The following PKD2 variants were observed in gnomAD, a reference collection of about 807,000 sequenced individuals.
The protein encoded by PKD2 is polycystin 2, transient receptor potential cation channel.
Under a neutral mutation model 105.9 loss-of-function variants are expected in PKD2, and 48 were observed. The ratio of observed to expected loss-of-function variants is 0.45; its 90% CI spans 0.36 to 0.58. The LOEUF is 0.58. Ranked by LOEUF, PKD2 falls within the 20% of genes least tolerant of loss-of-function variation. PKD2 has a pLI of 0.00. For synonymous variants in PKD2, 464 were observed against 481.1 expected (o/e 0.96, Z 0.46); for missense variants, 1,078 against 1,255.3 (o/e 0.86, Z 2.13).
At chr4:88,036,127 T>C in intron 2 of PKD2, 93 bp from the exon 3 acceptor site, 5 of 1,608,052 alleles carry the variant, frequency 3.1e-6, no homozygotes, top group Non-Finnish European at 4.3e-6. Context: ...CCAAAATGTT[T>C]ATCCACAGGA....
chr4:88,013,833 A>G (rs1323888858), intron 1 of PKD2, among the ~76,000 whole-genome samples: 1 of 152,118 alleles, frequency 6.6e-6, no homozygotes, highest in African/African-American at 2.4e-5. Flanking sequence ...AAATAATAGG[A>G]ACAAGACCTG....
chr4:88,032,582 G>A (rs956600420), intron 2 of PKD2, among the ~76,000 whole-genome samples: 4 of 152,160 alleles, frequency 2.6e-5, no homozygotes, highest in African/African-American at 9.7e-5. Flanking sequence ...AGATGTATGT[G>A]TCCTTTATAT....
In PKD2 at chr4:88,043,228, A is replaced by C; in HGVS notation, c.1095-5A>C. On this transcript the variant is annotated splice_polypyrimidine_tract_variant and splice_region_variant and intron_variant, in intron 4 of 14. Transcript: ENST00000237596. ...TGTTTGTTTTTTGGTTTTGTTTTTA[A>C]TCAGTTGGATCTACACAAGTGAAAA... 6.3e-7 allele frequency: 1 copy of C among 1,585,514 alleles called. No homozygotes were observed. The highest frequency in any genetic ancestry group is 8.7e-7 in the Non-Finnish European group (1 of 1,154,522).
At chr4:88,036,862 C>G (rs915577757) in intron 3 of PKD2, among the ~76,000 whole-genome samples, 1 of 152,172 alleles carries the variant, frequency 6.6e-6, no homozygotes, top group African/African-American at 2.4e-5. Flanking sequence ...TGTGTTTTGT[C>G]TCTTTGTTGA....
At chr4:88,036,402 C>A (rs1464663901) in intron 3 of PKD2, 49 bp downstream of exon 3, 4 of 1,609,044 alleles carry the variant, frequency 2.5e-6, no homozygotes, top group South Asian at 2.2e-5. Flanking sequence ...GAAAATTGTT[C>A]ATTTGGCTTC....
intron 2 of PKD2, among the ~76,000 whole-genome samples, chr4:88,034,723 A>G (rs1438447827): frequency 1.3e-5 from 2 of 151,240 alleles, no homozygotes; most frequent in Non-Finnish European, 2.9e-5. Flanking sequence ...TGAAGGAGAG[A>G]TTTACTAAAT....
chr4:88,019,684 T>G, intron 2 of PKD2, 113 bp downstream of exon 2: 1 of 705,962 alleles, frequency 1.4e-6, no homozygotes, highest in Non-Finnish European at 2.6e-6. Context: ...GGAAGTTACC[T>G]TCTTACCTTT....
chr4:88,039,545 G>A (rs1727476573), intron 4 of PKD2, among the ~76,000 whole-genome samples: 1 of 151,624 alleles, frequency 6.6e-6, no homozygotes. Context: ...TGTGCCTATA[G>A]TCACAGCTAT....
chr4:88,067,544 C>G (rs1578148521), intron 12 of PKD2, among the ~76,000 whole-genome samples: 1 of 152,138 alleles, frequency 6.6e-6, no homozygotes, highest in Non-Finnish European at 1.5e-5. Context: ...CCTTGCTGCC[C>G]AGGCCAGTCT....
intron 2 of PKD2, among the ~76,000 whole-genome samples, chr4:88,035,673 G>A (rs1727306264): frequency 6.6e-6 from 1 of 152,218 alleles, no homozygotes; most frequent in Non-Finnish European, 1.5e-5. Flanking sequence ...TCCCCAAAGG[G>A]CAAAGGATTC....
At chr4:88,064,825 G>A (rs1480992697) in intron 10 of PKD2, among the ~76,000 whole-genome samples, 12 of 152,010 alleles carry the variant, frequency 7.9e-5, no homozygotes, top group South Asian at 2.1e-4. Flanking sequence ...TCAGGAGGTC[G>A]AGGCTGCAGT....
chr4:88,074,879 A>C lies in PKD2; in HGVS notation c.2590A>C (p.Ile864Leu). The change falls in exon 14 of 15, where the codon ATC (isoleucine) becomes CTC (leucine). Residue 864 changes from isoleucine to leucine, a missense_variant. This residue lies in a region of PKD2 where 868 missense variants were observed against 1,067.3 expected (regional missense o/e 0.81). Coordinates refer to ENST00000237596, the MANE Select transcript of PKD2 (RefSeq NM_000297.4). The stretch of plus-strand genomic sequence containing the variant: ...CATAGTGTCCAAGATTGACGCCGTG[A>C]TCGTGAAGCTAGAGATTATGGAGCG... ...GSIVSKIDAV[I>L]VKLEIMERAK... 1.9e-6 allele frequency: 3 copies of C among 1,614,170 alleles called. No homozygotes were observed. Among genetic ancestry groups the C allele is most frequent in the Non-Finnish European group, 2.5e-6 (3 of 1,180,012 alleles).
intron 1 of PKD2, among the ~76,000 whole-genome samples, chr4:88,011,904 G>C (rs924831029): frequency 7.6e-6 from 1 of 131,256 alleles, no homozygotes; most frequent in African/African-American, 3.0e-5. Flanking sequence ...GGGGGGGGGG[G>C]GGAGGGGCAG....
intron 7 of PKD2, among the ~76,000 whole-genome samples, chr4:88,054,616 C>G (rs544107411): frequency 1.2e-3 from 177 of 145,086 alleles, no homozygotes; most frequent in African/African-American, 4.4e-3. Flanking sequence ...GATACTTTAT[C>G]ATTAAGGTCT....
chr4:88,062,078 A>T (rs1720597095), intron 10 of PKD2, 74 bp downstream of exon 10: 2 of 792,732 alleles, frequency 2.5e-6, no homozygotes, highest in African/African-American at 3.4e-5. Context: ...CAGATTTTCA[A>T]ATCAACATTG....
chr4:88,072,671 C>A (rs1721076380), intron 13 of PKD2, among the ~76,000 whole-genome samples: 1 of 152,168 alleles, frequency 6.6e-6, no homozygotes. Flanking sequence ...CAAGTGGGAA[C>A]TGAGTGGAAG....
At chr4:88,012,032 C>G (rs1360776214) in intron 1 of PKD2, among the ~76,000 whole-genome samples, 1 of 152,058 alleles carries the variant, frequency 6.6e-6, no homozygotes, top group Non-Finnish European at 1.5e-5. Flanking sequence ...CTACAATGCA[C>G]AGTACAGCCA....
intron 2 of PKD2, among the ~76,000 whole-genome samples, chr4:88,020,992 G>A (rs931079347): frequency 6.6e-6 from 1 of 152,156 alleles, no homozygotes; most frequent in Admixed American, 6.5e-5. Context: ...GCCTGGATGT[G>A]ATATTTTTAT....
intron 2 of PKD2, among the ~76,000 whole-genome samples, chr4:88,032,392 G>A (rs913216507): frequency 1.1e-4 from 16 of 152,168 alleles, no homozygotes; most frequent in Admixed American, 9.8e-4. Flanking sequence ...GGCCAGGCAC[G>A]ATGGCTCACA....
Sources: gnomAD v4.1 joint callset for allele counts (sites outside exome capture counted in the v4.1 genomes callset) on GRCh38, gnomAD v4.1.1 for gene constraint, gnomAD v4.1.1 regional missense constraint, MANE v1.5 for transcripts, NCBI Gene and HGNC (gene_info 2026-07-23, HGNC 2026-07-21) for gene names.